The following NEBL variants were observed in gnomAD, a reference collection of about 807,000 sequenced individuals.
NEBL encodes LIM and SH3 protein 2.
In NEBL, 122 loss-of-function variants were observed where a neutral mutation model predicts 140.2. The ratio of observed to expected loss-of-function variants is 0.87; its 90% CI spans 0.75 to 1.01. NEBL has a LOEUF of 1.01. Among genes scored for constraint, NEBL ranks in the 50% least tolerant of loss-of-function variants. NEBL has a pLI of 0.00. For missense variants in NEBL, 1,365 were observed against 1,231.3 expected (o/e 1.11, Z -1.62); for synonymous variants, 436 against 398.9 (o/e 1.09, Z -1.11).
chr10:21,013,205 G>T (rs908517675), intron 3 of NEBL, among the ~76,000 whole-genome samples: 4 of 152,150 alleles, frequency 2.6e-5, no homozygotes, highest in African/African-American at 4.8e-5. Context: ...CACATCCAGT[G>T]AATTCATATG....
chr10:20,852,933 C>T (rs927701873), intron 9 of NEBL, among the ~76,000 whole-genome samples: 3 of 152,088 alleles, frequency 2.0e-5, no homozygotes, highest in East Asian at 1.9e-4. Context: ...CGTGTGGCAA[C>T]GGAAAGCTAG....
At chr10:21,191,344 A>T (rs1841530) in intron 3 of NEBL, among the ~76,000 whole-genome samples, 3 of 152,054 alleles carry the variant, frequency 2.0e-5, no homozygotes, top group African/African-American at 7.3e-5. Flanking sequence ...TGAGGCACAC[A>T]GTGTATAAGT....
At chr10:20,852,766 G>GTCCCCA in intron 9 of NEBL, 117 bp from the exon 10 acceptor site, 1 of 897,378 alleles carries the variant, frequency 1.1e-6, no homozygotes, top group Non-Finnish European at 1.8e-6. Context: ...CTGTTGCCAA[G>GTCCCCA]TCCCCATCTG....
intron 1 of NEBL, among the ~76,000 whole-genome samples, chr10:21,273,579 C>T (rs1842884017): frequency 6.6e-6 from 1 of 152,138 alleles, no homozygotes; most frequent in Admixed American, 6.5e-5. Flanking sequence ...TCCCTATCTA[C>T]ACCCTACAGC....
At chr10:21,040,976 C>G (rs1430903236) in intron 2 of NEBL, among the ~76,000 whole-genome samples, 5 of 152,144 alleles carry the variant, frequency 3.3e-5, no homozygotes, top group Admixed American at 2.6e-4. Context: ...CATGTGGAAC[C>G]AAGAGCCAAT....
chr10:21,235,609 CA>C (rs1251001726), intron 3 of NEBL, among the ~76,000 whole-genome samples: 2 of 152,170 alleles, frequency 1.3e-5, no homozygotes, highest in Admixed American at 6.5e-5. Context: ...GCCACTGCGC[CA>C]GGCCCATAAG....
chr10:21,131,910 T>A (rs1225537598), intron 2 of NEBL, among the ~76,000 whole-genome samples: 1 of 152,218 alleles, frequency 6.6e-6, no homozygotes, highest in African/African-American at 2.4e-5. Flanking sequence ...CTAACTTTGC[T>A]TCCTACTTTC....
At chr10:21,218,042 A>G (rs74123909) in intron 3 of NEBL, 7,949 of 152,388 alleles carry the variant, frequency 0.052, 353 homozygotes, top group African/African-American at 0.12. Context: ...TAGTGTACGA[A>G]TATTCCACAT....
chr10:21,003,529 G>A (rs764346789), intron 3 of NEBL, among the ~76,000 whole-genome samples: 4 of 152,106 alleles, frequency 2.6e-5, no homozygotes, highest in Non-Finnish European at 4.4e-5. Flanking sequence ...CTTCAAAGAC[G>A]GAAACCATGA....
rs762179161 is a variant in NEBL at position 20,817,599 on chromosome 10, C to T, written c.2148+1G>A. On this transcript the variant is annotated splice_donor_variant, in intron 21 of 27. Coordinates refer to ENST00000377122, the MANE Select transcript of NEBL (RefSeq NM_006393.3). LOFTEE classifies it high-confidence loss of function. ...GAAAAAAGTTACTAAGATGATCACA[C>T]ATTGCTGATGTTTTTCTGGTTTTCT... is the stretch of plus-strand genomic sequence containing the variant. The T allele has an allele frequency of 8.1e-6, 13 of 1,607,292 alleles. No individual in the cohort carries two copies. The Admixed American group carries it at 1.7e-4, about 21-fold the overall frequency.
intron 4 of NEBL, among the ~76,000 whole-genome samples, chr10:20,937,438 A>G (rs1299039289): frequency 6.6e-6 from 1 of 152,178 alleles, no homozygotes; most frequent in Non-Finnish European, 1.5e-5. Flanking sequence ...GGTCACTTCA[A>G]AAGTTGAAAG....
chr10:20,981,826 G>T lies in NEBL; in HGVS notation c.250-20047C>A, dbSNP rs140769354. On this transcript the variant is annotated intron_variant, in intron 3 of 6. Coordinates refer to the NEBL transcript ENST00000417816. ...TTGTCACAGAAGACATGAATTGAGAGATAGAAATAAACAGCCTATGAGCCC... is the reference window on the plus strand; with the variant it reads ...TTGTCACAGAAGACATGAATTGAGATATAGAAATAAACAGCCTATGAGCCC... 4.8e-3 allele frequency among the ~76,000 whole-genome samples: 737 copies of T among 152,270 alleles called. 7 individuals carry two copies. Among genetic ancestry groups the T allele is most frequent in the African/African-American group, 0.017 (693 of 41,544 alleles).
intron 3 of NEBL, among the ~76,000 whole-genome samples, chr10:21,210,538 A>C (rs972822): frequency 6.6e-6 from 1 of 152,256 alleles, no homozygotes; most frequent in Non-Finnish European, 1.5e-5. Flanking sequence ...CATTGCTGCC[A>C]TTTTTAAGGA....
At chr10:21,145,922 C>T (rs933345790) in intron 2 of NEBL, among the ~76,000 whole-genome samples, 21 of 152,124 alleles carry the variant, frequency 1.4e-4, no homozygotes, top group Non-Finnish European at 2.6e-4. Flanking sequence ...GACCGCAGCT[C>T]GGGCCCATTG....
intron 3 of NEBL, among the ~76,000 whole-genome samples, chr10:21,246,780 G>A (rs1842522074): frequency 6.6e-6 from 1 of 152,132 alleles, no homozygotes; most frequent in Non-Finnish European, 1.5e-5. Flanking sequence ...GTTGCAGTGA[G>A]TCATGATCAC....
Position 20,814,293 on chromosome 10 carries a change from A to C in NEBL, c.2242-250T>G, listed in dbSNP as rs147581181. Among the ~76,000 whole-genome samples, 518 of 152,210 alleles carry C rather than the reference A, an allele frequency of 3.4e-3. 2 individuals carry two copies. Among genetic ancestry groups the C allele is most frequent in the African/African-American group, 0.012 (494 of 41,530 alleles). ...AATGTGTGAATGACCAATAGTAACT[A>C]TCTATCTAGTCTGTAAACCTGCGCA... On this transcript the variant is annotated intron_variant, in intron 22 of 27. Coordinates refer to ENST00000377122, the MANE Select transcript of NEBL (RefSeq NM_006393.3).
intron 2 of NEBL, among the ~76,000 whole-genome samples, chr10:21,027,192 A>C (rs1833538004): frequency 6.6e-6 from 1 of 152,118 alleles, no homozygotes; most frequent in African/African-American, 2.4e-5. Context: ...CTCCCAGAGA[A>C]TCATCAAAAC....
chr10:21,033,370 ATAAT>A (rs1833875818), intron 2 of NEBL, among the ~76,000 whole-genome samples: 1 of 152,256 alleles, frequency 6.6e-6, no homozygotes, highest in Non-Finnish European at 1.5e-5. Flanking sequence ...ATGAACAAAA[ATAAT>A]TATTTAAAGC....
intron 4 of NEBL, among the ~76,000 whole-genome samples, chr10:20,940,127 T>C (rs984948661): frequency 3.9e-5 from 6 of 152,142 alleles, no homozygotes; most frequent in African/African-American, 7.2e-5. Flanking sequence ...ATCAACAGAA[T>C]ATACATTCTT....
Sources: gnomAD v4.1 joint callset for allele counts (sites outside exome capture counted in the v4.1 genomes callset) on GRCh38, gnomAD v4.1.1 for gene constraint, MANE v1.5 for transcripts, NCBI Gene and HGNC (gene_info 2026-07-23, HGNC 2026-07-21) for gene names.